MCM3: variants seen among roughly 807,000 people sequenced by gnomAD.
MCM3 encodes the protein minichromosome maintenance complex component 3.
Under a neutral mutation model 91.3 loss-of-function variants are expected in MCM3, and 59 were observed. The ratio of observed to expected loss-of-function variants is 0.65; its 90% confidence interval spans 0.52 to 0.80. The LOEUF (loss-of-function observed/expected upper bound fraction) is 0.80. MCM3 is among the 30% of genes least tolerant of loss of function. The pLI is 0.00. For synonymous variants in MCM3, 383 were observed against 379.6 expected, an observed-to-expected ratio of 1.01 and a Z score of -0.10; for missense variants, 919 against 1,035.4, an observed-to-expected ratio of 0.89 and a Z score of 1.54.
intron 16 of MCM3, among the ~76,000 whole-genome samples, chr6:52,265,031 G>A (rs965954914): frequency 1.3e-5 from 2 of 152,176 alleles, no homozygotes; most frequent in Admixed American, 6.6e-5. Context: ...CCCGGTCAGC[G>A]TCAATGCGGG....
chr6:52,277,649 T>C lies in MCM3; in HGVS notation c.919A>G (p.Ile307Val), dbSNP rs768650061. Residue 307 changes from isoleucine (I) to valine (V), a missense_variant, in exon 7 of 17, where the codon ATC (isoleucine) becomes GTC (valine). Physicochemically the swap from Ile to Val is conservative, Grantham distance 29. Coordinates refer to ENST00000596288, the MANE Select transcript of MCM3 (RefSeq NM_002388.6). ...TTCTTGACATAGTCATGCCCATGGA[T>C]ACTTGGGGCCAATGACTTGGCCAGC... ...DQLAKSLAPS[I>V]HGHDYVKKAI... 6.2e-7 allele frequency: 1 copy of C among 1,614,072 alleles called. No homozygotes were observed. The highest frequency in any genetic ancestry group is 1.7e-5 in the Admixed American group (1 of 60,022).
chr6:52,282,867 C>T lies in MCM3; in HGVS notation c.192-6G>A. The T allele has an allele frequency of 6.2e-7, 1 of 1,612,356 alleles. No homozygotes were observed. The highest frequency in any genetic ancestry group is 2.2e-5 in the East Asian group (1 of 44,870). On this transcript the variant is annotated splice_polypyrimidine_tract_variant and splice_region_variant and intron_variant, in intron 2 of 16. Coordinates refer to ENST00000596288, the MANE Select transcript of MCM3 (RefSeq NM_002388.6). ...CAAAGGCATTGTTCAGAAGCCTGTA[C>T]ATAAGCAAGAGAAAGAAAAATTAGA...
At position 52,277,672 on chromosome 6, in the gene MCM3, A is replaced by C. The variant is rs1026667353; in HGVS notation, c.896T>G (p.Leu299Arg). The C allele has an allele frequency of 1.2e-5, 20 of 1,613,902 alleles. No individual in the cohort carries two copies. The highest frequency in any genetic ancestry group is 3.3e-5 in the Admixed American group (2 of 59,962). The change falls in exon 7 of 17, where the codon CTG (leucine) becomes CGG (arginine). Residue 299 changes from leucine (L) to arginine (R), a missense_variant. By Grantham distance (102) the Leu-to-Arg change is moderately radical. This residue lies in a region of MCM3 where 401 missense variants were observed against 402.7 expected (regional missense o/e 1.00). Coordinates refer to ENST00000596288, the MANE Select transcript of MCM3 (RefSeq NM_002388.6). ...KTRSKDIFDQ[L>R]AKSLAPSIHG... The stretch of plus-strand genomic sequence containing the variant: ...GATACTTGGGGCCAATGACTTGGCC[A>C]GCTGGTCAAAGATATCCTACAGGAG...
Position 52,272,343 on chromosome 6 carries a change from TGAA to T in MCM3, c.1782_1784del (p.Tyr594_Ser595delinsTer). On this transcript the variant is annotated stop_gained and inframe_deletion, in exon 12 of 17. Coordinates refer to ENST00000596288, the MANE Select transcript of MCM3 (RefSeq NM_002388.6). LOFTEE classifies it high-confidence loss of function. ...TCATGCTATCCTGGCTGCGCAGGCG[TGAA>T]TACTCTTCTGCAATGTAGGTGGCCG... is the stretch of plus-strand genomic sequence containing the variant. 1 of 1,614,188 alleles carries T rather than the reference TGAA, an allele frequency of 6.2e-7. No homozygotes were observed. Among genetic ancestry groups the T allele is most frequent in the Non-Finnish European group, 8.5e-7 (1 of 1,180,026 alleles).
intron 9 of MCM3, chr6:52,276,048 TAA>T: frequency 3.6e-6 from 2 of 558,242 alleles, no homozygotes; most frequent in South Asian, 4.3e-5. Context: ...ACTGTACTGT[TAA>T]AAAGTTACTT....
At position 52,283,866 on chromosome 6, in the gene MCM3, T is replaced by A. The variant is rs184936372; in HGVS notation, c.79-460A>T. On this transcript the variant is annotated intron_variant, in intron 1 of 16. Transcript: ENST00000596288. ...TATCAAAACATGTGCACTTCAAATA[T>A]ATACAATAAAAATGTAAATAAAACA... is the stretch of plus-strand genomic sequence containing the variant. 2.9e-3 allele frequency among the ~76,000 whole-genome samples: 441 copies of A among 152,334 alleles called. 1 individual carries two copies. Among genetic ancestry groups the A allele is most frequent in the African/African-American group, 0.01 (427 of 41,578 alleles).
intron 12 of MCM3, among the ~76,000 whole-genome samples, chr6:52,270,363 C>A (rs1283977852): frequency 1.3e-5 from 2 of 150,360 alleles, no homozygotes; most frequent in East Asian, 2.0e-4. Context: ...AAAGAAACTA[C>A]TTCCTTCTGT....
intron 9 of MCM3, 144 bp downstream of exon 9, chr6:52,276,124 C>T (rs1765536603): frequency 1.4e-6 from 1 of 726,020 alleles, no homozygotes; most frequent in Non-Finnish European, 2.3e-6. Flanking sequence ...CTGCTCTAAA[C>T]AAAGGACAAT....
chr6:52,265,144 A>C, intron 16 of MCM3: 1 of 349,342 alleles, frequency 2.9e-6, no homozygotes, highest in Admixed American at 4.2e-5. Context: ...ATGAGTGCAC[A>C]CTGATAAATT....
rs778021622 is a variant in MCM3 at position 52,269,121 on chromosome 6, C to G, written c.1933G>C (p.Ala645Pro). Residue 645 changes from alanine to proline, a missense_variant, in exon 13 of 17, where the codon GCT becomes CCT. This residue lies in a region of MCM3 where 285 missense variants were observed against 311.4 expected (regional missense o/e 0.92). Transcript: ENST00000596288. ...KTVDLQDAEE[A>P]VELVQYAYFK... The stretch of plus-strand genomic sequence containing the variant: ...TAAGCATACTGGACCAACTCCACAG[C>G]TTCCTCTGCATCCTGCAGGTCCACA... The G allele has an allele frequency of 6.2e-7, 1 of 1,614,056 alleles. No individual in the cohort carries two copies. Among genetic ancestry groups the G allele is most frequent in the Non-Finnish European group, 8.5e-7 (1 of 1,179,910 alleles).
chr6:52,281,025 T>C (rs1766045835), intron 4 of MCM3, among the ~76,000 whole-genome samples: 1 of 152,260 alleles, frequency 6.6e-6, no homozygotes, highest in African/African-American at 2.4e-5. Context: ...AATAGTGCTT[T>C]GAATACAGTA....
intron 13 of MCM3, among the ~76,000 whole-genome samples, chr6:52,268,679 T>G (rs1764839244): frequency 6.6e-6 from 1 of 152,024 alleles, no homozygotes; most frequent in Non-Finnish European, 1.5e-5. Context: ...GCTTCTGAGG[T>G]GCCAATGGGA....
In MCM3 at chr6:52,267,934, C is replaced by T; in HGVS notation, c.2003G>A (p.Ser668Asn). Residue 668 changes from serine (S) to asparagine (N), a missense_variant, in exon 14 of 17, where the codon AGT becomes AAT. This residue lies in a region of MCM3 where 285 missense variants were observed against 311.4 expected (regional missense o/e 0.92). Transcript: ENST00000596288. ...ATCTTCTGTCTCTGATTCATCCTCACTTCGCTTCTTACGTTTCTTCTCCTT... is the reference window on the plus strand; with the variant it reads ...ATCTTCTGTCTCTGATTCATCCTCATTTCGCTTCTTACGTTTCTTCTCCTT... Reference protein sequence around the residue: ...LEKEKKRKKRSEDESETEDEE... With the variant: ...LEKEKKRKKRNEDESETEDEE... 1.3e-6 allele frequency: 2 copies of T among 1,594,618 alleles called. No individual in the cohort carries two copies. Among genetic ancestry groups the T allele is most frequent in the Non-Finnish European group, 1.7e-6 (2 of 1,162,396 alleles).
In MCM3 at chr6:52,264,508, CAA is replaced by C; in HGVS notation, c.*78_*79del. On this transcript the variant is annotated 3_prime_UTR_variant, in exon 17 of 17. Coordinates refer to ENST00000596288, the MANE Select transcript of MCM3 (RefSeq NM_002388.6). ...TTCAACACTGTTAAGGGAGTAGAGG[CAA>C]AGACTTGGGTCAGGGAGAGGGTGGG... 2 of 1,488,264 alleles carry C rather than the reference CAA, an allele frequency of 1.3e-6. No homozygotes were observed. The highest frequency in any genetic ancestry group is 1.9e-6 in the Non-Finnish European group (2 of 1,071,696). 92.2% of individuals were successfully genotyped at this position (1,488,264 alleles called of 1,614,324 possible).
At chr6:52,284,179 T>C (rs1581756112) in intron 1 of MCM3, among the ~76,000 whole-genome samples, 1 of 152,206 alleles carries the variant, frequency 6.6e-6, no homozygotes, top group East Asian at 1.9e-4. Flanking sequence ...TATGGAGTCT[T>C]TTCCTCCAGG....
Position 52,269,218 on chromosome 6 carries a change from T to G in MCM3, c.1836A>C (p.Pro612=). The G allele has an allele frequency of 1.9e-6, 3 of 1,610,276 alleles. No homozygotes were observed. Among genetic ancestry groups the G allele is most frequent in the Non-Finnish European group, 2.5e-6 (3 of 1,176,958 alleles). ...SMSSDTARTS[P]VTARTLETLI... ...GAGTTTCCAGTGTTCGGGCTGTAAC[T>G]GGAGATGTCTAGGGAAGAAAAGGGA... The change falls in exon 13 of 17, where the codon CCA becomes CCC. Residue 612 remains proline (P), a synonymous_variant. Transcript: ENST00000596288.
rs1259052165 is a variant in MCM3, at chr6:52,282,781, T to C, written c.272A>G (p.Tyr91Cys). ...KDFVASIDAT[Y>C]AKQYEEFYVG... The stretch of plus-strand genomic sequence containing the variant: ...GTAGAACTCCTCATACTGCTTGGCA[T>C]AGGTAGCATCAATGGAGGCCACAAA... The change falls in exon 3 of 17, where the codon TAT becomes TGT. Residue 91 changes from tyrosine (Y) to cysteine (C), a missense_variant. Transcript: ENST00000596288. 4.3e-6 allele frequency: 7 copies of C among 1,614,008 alleles called. No homozygotes were observed. Among genetic ancestry groups the C allele is most frequent in the Non-Finnish European group, 5.1e-6 (6 of 1,180,024 alleles).
Position 52,279,550 on chromosome 6 carries a change from T to C in MCM3, c.581A>G (p.Lys194Arg), listed in dbSNP as rs1765894693. ...LETEYGLSVY[K>R]DHQTITIQEM... is the part of the protein sequence containing the mutation. ...CTGGATGGTGATGGTCTGGTGATCC[T>C]TGTAGACAGAAAGGCCATATTCTGT... The change falls in exon 5 of 17, where the codon AAG (lysine) becomes AGG (arginine). Residue 194 changes from lysine (K) to arginine (R), a missense_variant. Physicochemically the swap from Lys to Arg is conservative, Grantham distance 26. Coordinates refer to ENST00000596288, the MANE Select transcript of MCM3 (RefSeq NM_002388.6). 6.2e-7 allele frequency: 1 copy of C among 1,614,022 alleles called. No homozygotes were observed.
At chr6:52,284,518 G>T in intron 1 of MCM3, 79 bp downstream of exon 1, 1 of 1,350,884 alleles carries the variant, frequency 7.4e-7, no homozygotes, top group Non-Finnish European at 1.0e-6. Flanking sequence ...TGGAGGTCTG[G>T]CGGGCCTCTG....
Sources: allele counts gnomAD v4.1 joint callset (sites outside exome capture counted in the v4.1 genomes callset), GRCh38; gene constraint gnomAD v4.1.1; regional missense constraint gnomAD v4.1.1; transcripts MANE v1.5; gene names NCBI Gene and HGNC (gene_info 2026-07-23, HGNC 2026-07-21).